The following CNTN5 variants were observed in gnomAD, a reference collection of about 807,000 sequenced individuals.
CNTN5 encodes contactin-5.
CNTN5 carries 77 observed loss-of-function variants against 129.1 expected under a neutral mutation model. The observed-to-expected ratio is 0.60, with a 90% confidence interval of 0.50 to 0.72. The LOEUF (loss-of-function observed/expected upper bound fraction) is 0.72, where lower values mean the gene tolerates loss of function less well. Among genes scored for constraint, CNTN5 ranks in the 30% least tolerant of loss-of-function variants. The pLI is 0.00. For missense variants in CNTN5, 1,478 were observed against 1,328.8 expected (o/e 1.11, Z -1.75); for synonymous variants, 509 against 465.6 (o/e 1.09, Z -1.20).
At chr11:99,838,888 G>T (rs941308289) in intron 4 of CNTN5, among the ~76,000 whole-genome samples, 1 of 152,062 alleles carries the variant, frequency 6.6e-6, no homozygotes, top group Non-Finnish European at 1.5e-5. Context: ...CTTTTAGCTA[G>T]AAATAAGTCA....
At chr11:100,285,320 C>A (rs1950752523) in intron 18 of CNTN5, among the ~76,000 whole-genome samples, 1 of 152,090 alleles carries the variant, frequency 6.6e-6, no homozygotes, top group Non-Finnish European at 1.5e-5. Context: ...CCCAAGATAC[C>A]CTCACTGTGA....
At chr11:100,334,805 A>C (rs540829598) in intron 21 of CNTN5, among the ~76,000 whole-genome samples, 10 of 152,172 alleles carry the variant, frequency 6.6e-5, no homozygotes, top group Admixed American at 3.9e-4. Flanking sequence ...CAAGGGATAA[A>C]AGTTCTCGCA....
At chr11:100,086,024 A>T (rs918010137) in intron 13 of CNTN5, among the ~76,000 whole-genome samples, 1 of 151,936 alleles carries the variant, frequency 6.6e-6, no homozygotes, top group African/African-American at 2.4e-5. Context: ...GTAAATACTA[A>T]TATTTGTCCA....
At chr11:99,971,782 GATA>G (rs1014900458) in intron 8 of CNTN5, among the ~76,000 whole-genome samples, 5 of 151,518 alleles carry the variant, frequency 3.3e-5, no homozygotes, top group African/African-American at 1.2e-4. Flanking sequence ...TAAAGACTAA[GATA>G]ATCATTAGCA....
At chr11:100,270,336 C>G (rs1022444932) in intron 17 of CNTN5, among the ~76,000 whole-genome samples, 1 of 152,166 alleles carries the variant, frequency 6.6e-6, no homozygotes, top group Non-Finnish European at 1.5e-5. Flanking sequence ...ACTGCCATGC[C>G]TACAAAGAAA....
intron 3 of CNTN5, among the ~76,000 whole-genome samples, chr11:99,791,888 T>G (rs1945755906): frequency 6.6e-6 from 1 of 152,188 alleles, no homozygotes; most frequent in South Asian, 2.1e-4. Flanking sequence ...ATTTTTGCTC[T>G]TGTTTTGGCT....
At chr11:100,224,981 A>T in intron 16 of CNTN5, 169 bp downstream of exon 16, 1 of 570,128 alleles carries the variant, frequency 1.8e-6, no homozygotes, top group Non-Finnish European at 2.8e-6. Context: ...TACATGGAAA[A>T]CTCCTCCTTA....
chr11:99,576,347 A>C (rs566314553), intron 3 of CNTN5, among the ~76,000 whole-genome samples: 1 of 152,204 alleles, frequency 6.6e-6, no homozygotes, highest in Non-Finnish European at 1.5e-5. Context: ...GAAATCTGGC[A>C]GGAGGTGTTT....
intron 9 of CNTN5, among the ~76,000 whole-genome samples, chr11:100,042,742 C>T (rs748382629): frequency 6.6e-6 from 1 of 152,178 alleles, no homozygotes; most frequent in Non-Finnish European, 1.5e-5. Context: ...TGGTGCATAA[C>T]AAAAAGCTTG....
At chr11:99,429,725 A>G (rs984951691) in intron 2 of CNTN5, among the ~76,000 whole-genome samples, 1 of 152,088 alleles carries the variant, frequency 6.6e-6, no homozygotes, top group Non-Finnish European at 1.5e-5. Context: ...GTTCTCCAAA[A>G]AGGAGAGATC....
chr11:99,793,266 A>G (rs1462023465), intron 3 of CNTN5, among the ~76,000 whole-genome samples: 1 of 152,016 alleles, frequency 6.6e-6, no homozygotes, highest in Admixed American at 6.5e-5. Context: ...TCACCGTGTT[A>G]GCCAGGATGG....
At chr11:100,310,152 A>C (rs908551104) in intron 21 of CNTN5, among the ~76,000 whole-genome samples, 9 of 151,912 alleles carry the variant, frequency 5.9e-5, no homozygotes, top group Admixed American at 6.6e-5. Context: ...GGGGACTTCA[A>C]CTGAAAAGAA....
chr11:100,075,194 T>C (rs573374799), intron 13 of CNTN5, among the ~76,000 whole-genome samples: 2 of 152,294 alleles, frequency 1.3e-5, no homozygotes, highest in Non-Finnish European at 2.9e-5. Context: ...TTTGAAAAAT[T>C]TTTAAAAATA....
chr11:99,297,224 G>A (rs750037229), intron 1 of CNTN5, among the ~76,000 whole-genome samples: 1 of 152,132 alleles, frequency 6.6e-6, no homozygotes, highest in Non-Finnish European at 1.5e-5. Flanking sequence ...AAAACAAGAG[G>A]GAGGAAGGCA....
chr11:99,985,385 G>A (rs1397410014), intron 8 of CNTN5, among the ~76,000 whole-genome samples: 1 of 152,172 alleles, frequency 6.6e-6, no homozygotes. Context: ...CTGAAGTCAA[G>A]TTGTCTCTGC....
At chr11:99,933,736 A>G (rs1950242428) in intron 7 of CNTN5, among the ~76,000 whole-genome samples, 2 of 152,190 alleles carry the variant, frequency 1.3e-5, no homozygotes, top group Middle Eastern at 3.2e-3. Context: ...CGTTTTTGCC[A>G]TTAAAACTAA....
intron 24 of CNTN5, among the ~76,000 whole-genome samples, chr11:100,351,554 A>C (rs1277983558): frequency 6.6e-6 from 1 of 151,088 alleles, no homozygotes; most frequent in African/African-American, 2.4e-5. Flanking sequence ...CCAAAACCAC[A>C]TATCTCCATC....
chr11:99,027,181 A>G (rs571119933), intron 1 of CNTN5, among the ~76,000 whole-genome samples: 47 of 151,616 alleles, frequency 3.1e-4, no homozygotes, highest in Middle Eastern at 6.8e-3. Context: ...GATTTAAGTG[A>G]TTTTATTCCA....
At chr11:99,836,625 C>A (rs1042529792) in intron 4 of CNTN5, among the ~76,000 whole-genome samples, 1 of 152,026 alleles carries the variant, frequency 6.6e-6, no homozygotes, top group Non-Finnish European at 1.5e-5. Context: ...GTCTTTATAG[C>A]AGCATGATTT....
Sources: gnomAD v4.1 joint callset for allele counts (sites outside exome capture counted in the v4.1 genomes callset) on GRCh38, gnomAD v4.1.1 for gene constraint, MANE v1.5 for transcripts, NCBI Gene and HGNC (gene_info 2026-07-23, HGNC 2026-07-21) for gene names.